Variants in IQGAP1 observed in about 807,000 individuals in gnomAD.
The protein encoded by IQGAP1 is ras GTPase-activating-like protein IQGAP1.
IQGAP1 carries 66 observed loss-of-function variants against 215.6 expected under a neutral mutation model. The observed-to-expected ratio is 0.31, with a 90% CI of 0.25 to 0.38. The LOEUF is 0.38. Ranked by LOEUF, IQGAP1 falls within the 10% of genes least tolerant of loss-of-function variation. The probability of loss-of-function intolerance (pLI) is 1.00; values close to 1 mark genes in which losing one functional copy is unlikely to be tolerated. For synonymous variants in IQGAP1, 772 were observed against 728.7 expected, an observed-to-expected ratio of 1.06 and a Z score of -0.96; for missense variants, 1,712 against 1,997.1, an observed-to-expected ratio of 0.86 and a Z score of 2.72.
At chr15:90,468,072 TTTG>T (rs763031108) in intron 18 of IQGAP1, among the ~76,000 whole-genome samples, 1 of 119,468 alleles carries the variant, frequency 8.4e-6, no homozygotes, top group Non-Finnish European at 1.7e-5. Context: ...TTGTTTGTTT[TTTG>T]TTTTTTTTTT....
rs199528783 is a variant in IQGAP1, at chr15:90,456,910, A to ATG, written c.1776+609_1776+610dup. Among the ~76,000 whole-genome samples the ATG allele has an allele frequency of 7.8e-4, 88 of 113,194 alleles. 1 individual carries two copies. The highest frequency in any genetic ancestry group is 5.2e-3 in the Middle Eastern group (1 of 192). The allele number at this position is 113,194 out of a possible 152,430, so 74.3% of individuals were successfully genotyped here. ...CTCAAAAAAATATATATATATATATATGTGTGTGTGTGTGTATATATATAT... is the reference window on the plus strand; with the variant it reads ...CTCAAAAAAATATATATATATATATATGTGTGTGTGTGTGTGTATATATATAT... On this transcript the variant is annotated intron_variant, in intron 15 of 37. Transcript: ENST00000268182.
At chr15:90,462,034 C>A (rs1237205659) in intron 15 of IQGAP1, among the ~76,000 whole-genome samples, 3 of 148,244 alleles carry the variant, frequency 2.0e-5, no homozygotes, top group Non-Finnish European at 4.5e-5. Context: ...TGGTGGTAGG[C>A]GCCTGCGCCT....
intron 3 of IQGAP1, among the ~76,000 whole-genome samples, chr15:90,427,590 A>G (rs1345999263): frequency 6.6e-6 from 1 of 152,102 alleles, no homozygotes; most frequent in Non-Finnish European, 1.5e-5. Flanking sequence ...AAATATAAAA[A>G]TTAGCCAGGC....
intron 1 of IQGAP1, 141 bp from the exon 2 acceptor site, chr15:90,390,633 T>TGTA (rs1375286242): frequency 1.8e-6 from 1 of 564,360 alleles, no homozygotes; most frequent in African/African-American, 1.9e-5. Context: ...AGAAAGTCAT[T>TGTA]GTAGTACACC....
In IQGAP1 at chr15:90,487,557, T is replaced by C; in HGVS notation, c.4223T>C (p.Leu1408Pro). 2.5e-6 allele frequency: 4 copies of C among 1,613,912 alleles called. No homozygotes were observed. Among genetic ancestry groups the C allele is most frequent in the Non-Finnish European group, 2.5e-6 (3 of 1,179,806 alleles). ...FQPGETLTEI[L>P]ETPATSEQEA... ...CCAGGAGAGACCTTGACTGAAATCC[T>C]AGAAACACCAGCCACCAGTGAACAG... The change falls in exon 33 of 38, where the codon CTA (leucine) becomes CCA (proline). Residue 1408 changes from leucine (L) to proline (P), a missense_variant. Physicochemically the swap from Leu to Pro is moderately conservative, Grantham distance 98. Around this residue, in one of 2 missense-constraint regions of IQGAP1, gnomAD observed 691 missense variants for 923.0 expected, o/e 0.75. Transcript: ENST00000268182.
chr15:90,476,570 A>G, intron 23 of IQGAP1, 93 bp from the exon 24 acceptor site: 5 of 903,966 alleles, frequency 5.5e-6, no homozygotes, highest in Admixed American at 5.2e-5. Flanking sequence ...GTACACCTTC[A>G]TGTGAGTTTG....
At chr15:90,427,975 C>T (rs779067503) in intron 3 of IQGAP1, among the ~76,000 whole-genome samples, 5 of 152,096 alleles carry the variant, frequency 3.3e-5, no homozygotes, top group African/African-American at 7.2e-5. Context: ...AAACAAGGAA[C>T]GGTATAGGTA....
intron 35 of IQGAP1, chr15:90,494,075 TCAG>T (rs1425609052): frequency 6.6e-6 from 1 of 152,234 alleles, no homozygotes; most frequent in Admixed American, 6.5e-5. Flanking sequence ...ACAGTTGACT[TCAG>T]CAGTTCTCCA....
At position 90,501,942 on chromosome 15, in the gene IQGAP1, A is replaced by G. The variant is rs922693659; in HGVS notation, c.*1834A>G. 9.2e-5 allele frequency: 14 copies of G among 152,366 alleles called. No homozygotes were observed. Among genetic ancestry groups the G allele is most frequent in the Non-Finnish European group, 2.9e-5 (2 of 68,044 alleles). 9.4% of individuals were successfully genotyped at this position (152,366 alleles called of 1,614,324 possible). On this transcript the variant is annotated 3_prime_UTR_variant, in exon 38 of 38. Coordinates refer to ENST00000268182, the MANE Select transcript of IQGAP1 (RefSeq NM_003870.4). ...TCCCTCAACACAATTGCTAATGCAG[A>G]ATAGTGTAAAATGCGCTTCAAGAAT...
In IQGAP1 at chr15:90,492,432, A is replaced by AC. The variant is rs1406574050; in HGVS notation, c.4462-113_4462-112insC. The AC allele has an allele frequency of 3.7e-6, 3 of 818,922 alleles. No individual in the cohort carries two copies. The East Asian group carries it at 9.2e-5, about 25-fold the overall frequency. 50.7% of individuals were successfully genotyped at this position (818,922 alleles called of 1,614,324 possible). On this transcript the variant is annotated intron_variant, in intron 34 of 37. Coordinates refer to ENST00000268182, the MANE Select transcript of IQGAP1 (RefSeq NM_003870.4). ...CAACAGAGTGTCTAAAAAAAAAAAA[A>AC]AAAAAAAAAGTAGGTAGTCATATTT... is the stretch of plus-strand genomic sequence containing the variant.
intron 30 of IQGAP1, among the ~76,000 whole-genome samples, chr15:90,484,918 C>T (rs1966106132): frequency 6.6e-6 from 1 of 152,228 alleles, no homozygotes; most frequent in South Asian, 2.1e-4. Flanking sequence ...GTTTCCTGGA[C>T]ACCGCCCCAG....
intron 3 of IQGAP1, among the ~76,000 whole-genome samples, chr15:90,428,947 A>AGGTCCAAC (rs769046457): frequency 7.2e-5 from 11 of 152,054 alleles, no homozygotes; most frequent in Non-Finnish European, 1.5e-4. Context: ...TCTGCCTCCC[A>AGGTCCAAC]GGTTCAACGA....
At chr15:90,419,782 G>A (rs1018444867) in intron 2 of IQGAP1, among the ~76,000 whole-genome samples, 1 of 152,140 alleles carries the variant, frequency 6.6e-6, no homozygotes, top group African/African-American at 2.4e-5. Context: ...AATTTATTCT[G>A]AGGCTTTGTG....
rs756518888 is a variant in IQGAP1 at position 90,448,682 on chromosome 15, G to C, written c.1023G>C (p.Gln341His). The change falls in exon 10 of 38, where the codon CAG becomes CAC. Residue 341 changes from glutamine to histidine, a missense_variant. By Grantham distance (24) the Gln-to-His change is conservative (BLOSUM62 0). Around this residue, in one of 2 missense-constraint regions of IQGAP1, gnomAD observed 1,021 missense variants for 1,074.2 expected, o/e 0.95. Transcript: ENST00000268182. ...TGGGGCTTCGAGGACTGCAGCAACA[G>C]AATAGCGACTGGTACTTGAAGCAGC... ...PALGLRGLQQ[Q>H]NSDWYLKQLL... 9.3e-6 allele frequency: 15 copies of C among 1,610,608 alleles called. No individual in the cohort carries two copies. Among genetic ancestry groups the C allele is most frequent in the Admixed American group, 8.4e-5 (5 of 59,322 alleles).
chr15:90,428,051 GT>G (rs1007008516), intron 3 of IQGAP1, among the ~76,000 whole-genome samples: 1 of 151,836 alleles, frequency 6.6e-6, no homozygotes, highest in Non-Finnish European at 1.5e-5. Context: ...TGTTCAGTGG[GT>G]TTTTTTTGTT....
At position 90,441,119 on chromosome 15, in the gene IQGAP1, G is replaced by A. The variant is rs563573924; in HGVS notation, c.650-387G>A. 8.3e-4 allele frequency among the ~76,000 whole-genome samples: 123 copies of A among 147,476 alleles called. 1 individual carries two copies. The highest frequency in any genetic ancestry group is 3.0e-3 in the African/African-American group (120 of 39,690). On this transcript the variant is annotated intron_variant, in intron 7 of 37. Coordinates refer to ENST00000268182, the MANE Select transcript of IQGAP1 (RefSeq NM_003870.4). ...TGAAACTCTGTCTCAAAAAAAAAAA[G>A]AAAAAAAAAGAAAGGAAGTCCTACA...
intron 3 of IQGAP1, among the ~76,000 whole-genome samples, chr15:90,427,201 G>A (rs760256901): frequency 6.6e-6 from 1 of 152,088 alleles, no homozygotes; most frequent in Non-Finnish European, 1.5e-5. Flanking sequence ...GGTTGAGGCT[G>A]TAGGGAGTTA....
chr15:90,448,760 T>C, intron 10 of IQGAP1, 24 bp downstream of exon 10: 1 of 1,512,938 alleles, frequency 6.6e-7, no homozygotes, highest in Non-Finnish European at 8.9e-7. Context: ...GGATTGAAGC[T>C]GCAAGAGTTT....
chr15:90,425,670 A>G (rs1364011607), intron 2 of IQGAP1, among the ~76,000 whole-genome samples: 1 of 152,178 alleles, frequency 6.6e-6, no homozygotes, highest in Non-Finnish European at 1.5e-5. Context: ...TGGACCTAGA[A>G]ATTCACTGTG....
Sources: allele counts gnomAD v4.1 joint callset (sites outside exome capture counted in the v4.1 genomes callset), GRCh38; gene constraint gnomAD v4.1.1; regional missense constraint gnomAD v4.1.1; transcripts MANE v1.5; gene names NCBI Gene and HGNC (gene_info 2026-07-23, HGNC 2026-07-21).